HSF2: variants seen among roughly 807,000 people sequenced by gnomAD.
HSF2 encodes heat shock transcription factor 2, also known as heat shock factor protein 2.
In HSF2, 21 loss-of-function variants were observed where a neutral mutation model predicts 65.0. The observed-to-expected ratio is 0.32, with a 90% CI of 0.23 to 0.47. The LOEUF is 0.47. HSF2 is among the 20% of genes least tolerant of loss of function. HSF2 has a pLI of 1.00. For synonymous variants in HSF2, 225 were observed against 219.1 expected, an observed-to-expected ratio of 1.03 and a Z score of -0.24; for missense variants, 499 against 628.1, an observed-to-expected ratio of 0.79 and a Z score of 2.20.
chr6:122,406,078 A>G (rs533294551), intron 1 of HSF2, among the ~76,000 whole-genome samples: 1 of 152,212 alleles, frequency 6.6e-6, no homozygotes, highest in Non-Finnish European at 1.5e-5. Context: ...TTCTTGTAAT[A>G]TCTCTCTTTT....
At chr6:122,401,759 A>G (rs1001486341) in intron 1 of HSF2, among the ~76,000 whole-genome samples, 3 of 152,238 alleles carry the variant, frequency 2.0e-5, no homozygotes, top group Non-Finnish European at 4.4e-5. Context: ...TGATGAATAA[A>G]TGAGATCCCT....
chr6:122,400,824 A>G (rs1413197399), intron 1 of HSF2, among the ~76,000 whole-genome samples: 1 of 152,234 alleles, frequency 6.6e-6, no homozygotes, highest in African/African-American at 2.4e-5. Context: ...ATGATCACCT[A>G]TTGAGGCATA....
intron 6 of HSF2, 84 bp from the exon 7 acceptor site, chr6:122,420,051 G>T: frequency 3.0e-6 from 4 of 1,346,716 alleles, no homozygotes; most frequent in Non-Finnish European, 4.0e-6. Context: ...GTGTGCATGT[G>T]TGTGTGTTTG....
chr6:122,407,734 A>ATAT (rs1773898420), intron 1 of HSF2, among the ~76,000 whole-genome samples: 1 of 151,832 alleles, frequency 6.6e-6, no homozygotes, highest in South Asian at 2.1e-4. Flanking sequence ...CCAATGATCT[A>ATAT]TATTGCCACT....
At chr6:122,406,106 C>G (rs1773862258) in intron 1 of HSF2, among the ~76,000 whole-genome samples, 1 of 152,150 alleles carries the variant, frequency 6.6e-6, no homozygotes, top group Admixed American at 6.5e-5. Flanking sequence ...GCTGACAGAA[C>G]TTAACATCAT....
At chr6:122,407,996 G>T (rs926898335) in intron 1 of HSF2, among the ~76,000 whole-genome samples, 1 of 151,214 alleles carries the variant, frequency 6.6e-6, no homozygotes, top group Non-Finnish European at 1.5e-5. Context: ...AGTGTGTTCT[G>T]GTCTCTCTTA....
rs941629306 is a variant in HSF2, at chr6:122,432,298, T to C, written c.*78T>C. 2 of 1,265,804 alleles carry C rather than the reference T, an allele frequency of 1.6e-6. No individual in the cohort carries two copies. The highest frequency in any genetic ancestry group is 2.2e-6 in the Non-Finnish European group (2 of 907,556). The allele number at this position is 1,265,804 out of a possible 1,614,324, so 78.4% of individuals were successfully genotyped here. A position where few individuals can be genotyped will look rare whatever the true frequency, so the allele number is the denominator to read the frequency against. On this transcript the variant is annotated 3_prime_UTR_variant, in exon 13 of 13. Coordinates refer to ENST00000368455, the MANE Select transcript of HSF2 (RefSeq NM_004506.4). ...TTATTTTAAAGTATCATTTGGTACT[T>C]TTTTTGTAAATTGCTTTGTTTTGTT... is the stretch of plus-strand genomic sequence containing the variant.
At chr6:122,415,229 T>C (rs1490892638) in intron 4 of HSF2, among the ~76,000 whole-genome samples, 1 of 152,232 alleles carries the variant, frequency 6.6e-6, no homozygotes, top group Non-Finnish European at 1.5e-5. Context: ...TATTATTGGA[T>C]ATGCTTTTTC....
chr6:122,430,740 C>A (rs779552502), intron 11 of HSF2, among the ~76,000 whole-genome samples: 3 of 152,084 alleles, frequency 2.0e-5, no homozygotes, highest in Admixed American at 6.6e-5. Context: ...AAATTAAGAA[C>A]CTCTGCACCT....
intron 1 of HSF2, among the ~76,000 whole-genome samples, chr6:122,401,804 T>C (rs1181041016): frequency 6.6e-6 from 1 of 152,174 alleles, no homozygotes; most frequent in African/African-American, 2.4e-5. Flanking sequence ...ATGATGAAGA[T>C]AAAATTATAT....
Position 122,399,656 on chromosome 6 carries a change from T to A in HSF2, c.-82T>A. 8.4e-7 allele frequency: 1 copy of A among 1,191,342 alleles called. No individual in the cohort carries two copies. Among genetic ancestry groups the A allele is most frequent in the Non-Finnish European group, 1.2e-6 (1 of 816,262 alleles). 73.8% of individuals were successfully genotyped at this position (1,191,342 alleles called of 1,614,324 possible). A position where few individuals can be genotyped will look rare whatever the true frequency, so the allele number is the denominator to read the frequency against. ...TGCTGCGCCTGCGTTGTGGGCGTTCTCGGGGAGCTGCTGCCGTAGCTGCCG... is the reference window on the plus strand; with the variant it reads ...TGCTGCGCCTGCGTTGTGGGCGTTCACGGGGAGCTGCTGCCGTAGCTGCCG... On this transcript the variant is annotated 5_prime_UTR_variant, in exon 1 of 13. Transcript: ENST00000368455.
chr6:122,399,938 G>A, intron 1 of HSF2, 108 bp downstream of exon 1: 1 of 853,336 alleles, frequency 1.2e-6, no homozygotes, highest in Non-Finnish European at 1.9e-6. Flanking sequence ...TGTCTGCGAG[G>A]CCCGCGGTGC....
At chr6:122,415,050 A>G (rs1774092468) in intron 4 of HSF2, among the ~76,000 whole-genome samples, 1 of 152,176 alleles carries the variant, frequency 6.6e-6, no homozygotes, top group Non-Finnish European at 1.5e-5. Flanking sequence ...CTTTTATATT[A>G]GTTTGGATTA....
chr6:122,399,993 G>A (rs531658574), intron 1 of HSF2, among the ~76,000 whole-genome samples, 163 bp downstream of exon 1: 2 of 152,084 alleles, frequency 1.3e-5, no homozygotes, highest in African/African-American at 4.8e-5. Flanking sequence ...TGTATTGTTC[G>A]CTCGGGGAGC....
At chr6:122,412,303 T>G in intron 1 of HSF2, 70 bp from the exon 2 acceptor site, 1 of 884,144 alleles carries the variant, frequency 1.1e-6, no homozygotes. Flanking sequence ...TTGTGGGATG[T>G]ATAAATATAT....
intron 11 of HSF2, among the ~76,000 whole-genome samples, chr6:122,428,569 T>C (rs1774388514): frequency 6.6e-6 from 1 of 152,028 alleles, no homozygotes; most frequent in Non-Finnish European, 1.5e-5. Flanking sequence ...TTTATATCAT[T>C]GTATTTTATA....
In HSF2 at chr6:122,407,485, G is replaced by A. The variant is rs1773892736; in HGVS notation, c.94-4888G>A. On this transcript the variant is annotated intron_variant, in intron 1 of 12. Coordinates refer to ENST00000368455, the MANE Select transcript of HSF2 (RefSeq NM_004506.4). ...TGATGTAAAGCATTGTCTCAATGAG[G>A]TTTTGATTTATATTTTCTTGATTAT... is the stretch of plus-strand genomic sequence containing the variant. Among the ~76,000 whole-genome samples the A allele has an allele frequency of 1.3e-5, 2 of 152,152 alleles. 1 individual carries two copies. The highest frequency in any genetic ancestry group is 4.1e-4 in the South Asian group (2 of 4,826).
intron 11 of HSF2, among the ~76,000 whole-genome samples, chr6:122,430,164 A>G (rs1048807606): frequency 2.0e-5 from 3 of 152,108 alleles, no homozygotes; most frequent in African/African-American, 7.2e-5. Flanking sequence ...TAGGCTATTA[A>G]TTACTGCCTC....
chr6:122,417,866 A>G (rs1173655383), intron 5 of HSF2, among the ~76,000 whole-genome samples: 3 of 152,138 alleles, frequency 2.0e-5, no homozygotes, highest in Non-Finnish European at 4.4e-5. Flanking sequence ...AAGCTTACAT[A>G]TTGTCTTTTC....
Sources: allele counts gnomAD v4.1 joint callset (sites outside exome capture counted in the v4.1 genomes callset), GRCh38; gene constraint gnomAD v4.1.1; transcripts MANE v1.5; gene names NCBI Gene and HGNC (gene_info 2026-07-23, HGNC 2026-07-21).